Variants in HELQ observed in about 807,000 individuals in gnomAD.
The protein encoded by HELQ is helicase, POLQ like.
In HELQ, 77 loss-of-function variants were observed where a neutral mutation model predicts 111.6. The ratio of observed to expected loss-of-function variants is 0.69; its 90% confidence interval spans 0.57 to 0.83. HELQ has a LOEUF of 0.83. Ranked by LOEUF, HELQ falls within the 40% of genes least tolerant of loss-of-function variation. HELQ has a pLI of 0.00. For missense variants in HELQ, 1,200 were observed against 1,288.5 expected, an observed-to-expected ratio of 0.93 and a Z score of 1.05; for synonymous variants, 438 against 454.7, an observed-to-expected ratio of 0.96 and a Z score of 0.47.
chr4:83,443,265 C>T (rs1248845997), intron 6 of HELQ, among the ~76,000 whole-genome samples: 2 of 152,112 alleles, frequency 1.3e-5, no homozygotes, highest in Admixed American at 6.5e-5. Context: ...TGGGAAAACT[C>T]ATTCAATGAA....
intron 17 of HELQ, among the ~76,000 whole-genome samples, chr4:83,416,109 G>A (rs1228339544): frequency 6.6e-6 from 1 of 150,522 alleles, no homozygotes; most frequent in African/African-American, 2.5e-5. Context: ...ACCAAGTCTG[G>A]CTAAATTTTT....
At chr4:83,414,725 T>C (rs978553164) in intron 17 of HELQ, among the ~76,000 whole-genome samples, 2 of 152,102 alleles carry the variant, frequency 1.3e-5, no homozygotes, top group Non-Finnish European at 2.9e-5. Context: ...CATCAGTAAA[T>C]AAATCCAGAA....
chr4:83,441,945 T>A (rs568625230), intron 6 of HELQ, among the ~76,000 whole-genome samples: 1 of 152,102 alleles, frequency 6.6e-6, no homozygotes, highest in South Asian at 2.1e-4. Context: ...GGCTAATTTT[T>A]ATAGAGATGG....
At chr4:83,444,115 T>C (rs1307223095) in intron 5 of HELQ, among the ~76,000 whole-genome samples, 1 of 152,190 alleles carries the variant, frequency 6.6e-6, no homozygotes, top group African/African-American at 2.4e-5. Context: ...TTTTCAGGTA[T>C]CCTGAAAGTT....
At chr4:83,449,459 G>A (rs551897458) in intron 2 of HELQ, among the ~76,000 whole-genome samples, 1 of 152,188 alleles carries the variant, frequency 6.6e-6, no homozygotes, top group African/African-American at 2.4e-5. Context: ...CTCTCATGGA[G>A]ACCTGAACTT....
chr4:83,426,077 G>C lies in HELQ; in HGVS notation c.2692C>G (p.Pro898Ala), dbSNP rs774765210. ...ATGGCAGCTACATTTTGTTCTGCTG[G>C]ACTGAGTTGGCTAAACTACATGGAA... Reference protein sequence around the residue: ...IYFRQFSQLSPAEQNVAAILG... With the variant: ...IYFRQFSQLSAAEQNVAAILG... The change falls in exon 14 of 18, where the codon CCA becomes GCA. Residue 898 changes from proline (P) to alanine (A), a missense_variant. Physicochemically the swap from Pro to Ala is conservative, Grantham distance 27. Around this residue, in one of 3 missense-constraint regions of HELQ, gnomAD observed 585 missense variants for 665.3 expected, o/e 0.88. Coordinates refer to ENST00000295488, the MANE Select transcript of HELQ (RefSeq NM_133636.5). 5.6e-6 allele frequency: 9 copies of C among 1,600,072 alleles called. No individual in the cohort carries two copies. Among genetic ancestry groups the C allele is most frequent in the Admixed American group, 1.7e-5 (1 of 59,654 alleles).
Position 83,418,135 on chromosome 4 carries a change from C to T in HELQ, c.3021G>A (p.Lys1007=), listed in dbSNP as rs1739460243. 6.2e-7 allele frequency: 1 copy of T among 1,610,378 alleles called. No individual in the cohort carries two copies. The change falls in exon 16 of 18, where the codon AAG becomes AAA. Residue 1007 remains lysine, a synonymous_variant. Coordinates refer to ENST00000295488, the MANE Select transcript of HELQ (RefSeq NM_133636.5). The part of the protein sequence containing the change: ...ELTKKLTYCV[K]AELIPLMEVT... ...CTTCCATGAGAGGGATTAATTCTGC[C>T]TTTACACAGTAAGTCAGCTTCTTGG...
At chr4:83,415,174 GCTTTACCCA>G (rs1739295562) in intron 17 of HELQ, among the ~76,000 whole-genome samples, 2 of 152,184 alleles carry the variant, frequency 1.3e-5, no homozygotes, top group Non-Finnish European at 2.9e-5. Context: ...CTGTGGAATG[GCTTTACCCA>G]CAGGGAGCAG....
chr4:83,446,878 T>C lies in HELQ; in HGVS notation c.1349A>G (p.Glu450Gly), dbSNP rs1560556699. The C allele has an allele frequency of 6.2e-7, 1 of 1,613,814 alleles. No homozygotes were observed. Among genetic ancestry groups the C allele is most frequent in the Admixed American group, 1.7e-5 (1 of 60,018 alleles). The change falls in exon 4 of 18, where the codon GAA (glutamate) becomes GGA (glycine). Residue 450 changes from glutamate (E) to glycine (G), a missense_variant. This residue lies in a region of HELQ where 610 missense variants were observed against 607.1 expected (regional missense o/e 1.00). Transcript: ENST00000295488. ...ACCCAGACTGTCAATTCTTCCAGTTTCAATCAAGGAGTTCACCAAGCTATG... is the reference window on the plus strand; with the variant it reads ...ACCCAGACTGTCAATTCTTCCAGTTCCAATCAAGGAGTTCACCAAGCTATG... ...KGHSLVNSLI[E>G]TGRIDSLGLV...
At chr4:83,445,426 G>A (rs79341184) in intron 5 of HELQ, among the ~76,000 whole-genome samples, 3,643 of 152,124 alleles carry the variant, frequency 0.024, 137 homozygotes, top group African/African-American at 0.083. Context: ...GACCTTTATA[G>A]TTAATTTTTC....
chr4:83,418,100 A>C lies in HELQ; in HGVS notation c.3056T>G (p.Val1019Gly), dbSNP rs1739458197. The C allele has an allele frequency of 6.4e-7, 1 of 1,573,308 alleles. No homozygotes were observed. The highest frequency in any genetic ancestry group is 8.7e-7 in the Non-Finnish European group (1 of 1,151,564). Reference sequence around the variant, plus strand: ...AACCAACAAGCTACTGACCTCTAAAACTCCAGTAACTTCCATGAGAGGGAT... The same window carrying C: ...AACCAACAAGCTACTGACCTCTAAACCTCCAGTAACTTCCATGAGAGGGAT... ...ELIPLMEVTG[V>G]LEGRAKQLYS... Residue 1019 changes from valine to glycine, a missense_variant, in exon 16 of 18, where the codon GTT (valine) becomes GGT (glycine). Physicochemically the swap from Val to Gly is moderately radical, Grantham distance 109. This residue lies in a region of HELQ where 585 missense variants were observed against 665.3 expected (regional missense o/e 0.88). Coordinates refer to ENST00000295488, the MANE Select transcript of HELQ (RefSeq NM_133636.5).
chr4:83,436,171 G>C (rs1578089106), intron 9 of HELQ, among the ~76,000 whole-genome samples: 1 of 152,102 alleles, frequency 6.6e-6, no homozygotes, highest in East Asian at 1.9e-4. Context: ...CATAATTAAA[G>C]TGGGAGACTA....
At position 83,418,155 on chromosome 4, in the gene HELQ, T is replaced by G; in HGVS notation, c.3001A>C (p.Lys1001Gln). Reference protein sequence around the residue: ...YRALLVELTKKLTYCVKAELI... With the variant: ...YRALLVELTKQLTYCVKAELI... ...TCTGCCTTTACACAGTAAGTCAGCT[T>G]CTTGGTAAGTTCTACCAAAAGGGCT... Residue 1001 changes from lysine to glutamine, a missense_variant, in exon 16 of 18, where the codon AAG (lysine) becomes CAG (glutamine). Lys to Gln is a moderately conservative substitution (Grantham distance 53). Coordinates refer to ENST00000295488, the MANE Select transcript of HELQ (RefSeq NM_133636.5). 6.2e-7 allele frequency: 1 copy of G among 1,610,374 alleles called. No homozygotes were observed. Among genetic ancestry groups the G allele is most frequent in the South Asian group, 1.1e-5 (1 of 90,068 alleles).
chr4:83,424,783 C>T (rs1161585823), intron 14 of HELQ, among the ~76,000 whole-genome samples: 1 of 151,866 alleles, frequency 6.6e-6, no homozygotes, highest in Non-Finnish European at 1.5e-5. Context: ...GTCTTGAACT[C>T]CTGACCTCAT....
At chr4:83,417,065 T>A (rs956437441) in intron 16 of HELQ, among the ~76,000 whole-genome samples, 200 bp from the exon 17 acceptor site, 2 of 152,180 alleles carry the variant, frequency 1.3e-5, no homozygotes, top group African/African-American at 4.8e-5. Context: ...AAGGTAACTA[T>A]AGTTCTATGC....
intron 2 of HELQ, among the ~76,000 whole-genome samples, chr4:83,452,159 C>T (rs772330716): frequency 5.3e-5 from 8 of 152,228 alleles, no homozygotes; most frequent in African/African-American, 1.2e-4. Context: ...ACAAGTTTGT[C>T]CAACCCACGG....
chr4:83,433,329 T>G (rs1199022671), intron 9 of HELQ, among the ~76,000 whole-genome samples: 7 of 152,052 alleles, frequency 4.6e-5, no homozygotes, highest in Non-Finnish European at 1.0e-4. Flanking sequence ...AAATCCTAAT[T>G]AGCATTAACA....
At position 83,453,230 on chromosome 4, in the gene HELQ, C is replaced by T. The variant is rs1245210999; in HGVS notation, c.1012+1G>A. On this transcript the variant is annotated splice_donor_variant, in intron 2 of 17. Transcript: ENST00000295488. LOFTEE classifies it high-confidence loss of function. ...TTTTTTATTCCAGCAAAAAGCATTA[C>T]CATATAATTTTTCAATTCCCTTGAA... The T allele has an allele frequency of 6.3e-7, 1 of 1,584,148 alleles. No individual in the cohort carries two copies.
At chr4:83,454,671 C>A (rs867868242) in intron 1 of HELQ, among the ~76,000 whole-genome samples, 4 of 151,778 alleles carry the variant, frequency 2.6e-5, no homozygotes, top group Middle Eastern at 3.4e-3. Flanking sequence ...AAGTGATCCT[C>A]CCATCTCTGC....
Sources: allele counts gnomAD v4.1 joint callset (sites outside exome capture counted in the v4.1 genomes callset), GRCh38; gene constraint gnomAD v4.1.1; regional missense constraint gnomAD v4.1.1; transcripts MANE v1.5; gene names NCBI Gene and HGNC (gene_info 2026-07-23, HGNC 2026-07-21).